Variants in NXN observed in about 807,000 individuals in gnomAD.
The protein encoded by NXN is nucleoredoxin.
Under a neutral mutation model 48.6 loss-of-function variants are expected in NXN, and 16 were observed. That is an observed-to-expected ratio of 0.33 (90% CI 0.22 to 0.50). The LOEUF is 0.50. Ranked by LOEUF, NXN falls within the 20% of genes least tolerant of loss-of-function variation. The pLI, the probability that NXN is intolerant of heterozygous loss-of-function variation, is 0.98. For missense variants in NXN, 492 were observed against 605.5 expected (o/e 0.81, Z 1.97); for synonymous variants, 281 against 269.6 (o/e 1.04, Z -0.41).
intron 1 of NXN, among the ~76,000 whole-genome samples, chr17:908,419 C>T (rs1477361343): frequency 6.6e-6 from 1 of 151,942 alleles, no homozygotes; most frequent in Non-Finnish European, 1.5e-5. Flanking sequence ...GCCTGTAATC[C>T]CAGCTACTTG....
chr17:896,916 A>G, intron 1 of NXN: 1 of 1,246,266 alleles, frequency 8.0e-7, no homozygotes, highest in Non-Finnish European at 1.0e-6. Context: ...TATCACACAC[A>G]ATATTCTTCT....
chr17:886,709 T>C (rs1390570), intron 1 of NXN, among the ~76,000 whole-genome samples: 89,692 of 150,760 alleles, frequency 0.59, 28,842 homozygotes, highest in African/African-American at 0.84. Flanking sequence ...ACTCGGGAGG[T>C]GGAGCTTGCA....
chr17:926,937 A>G (rs1031856526), intron 1 of NXN, among the ~76,000 whole-genome samples: 2 of 152,200 alleles, frequency 1.3e-5, no homozygotes, highest in African/African-American at 4.8e-5. Flanking sequence ...AATGCAGCCA[A>G]GAAAACTGTT....
chr17:803,629 G>A, intron 7 of NXN, 53 bp downstream of exon 7: 2 of 1,611,820 alleles, frequency 1.2e-6, no homozygotes, highest in South Asian at 1.1e-5. Flanking sequence ...TCAGTCCTGT[G>A]CCAGAAGTCC....
chr17:975,873 C>G lies in NXN; in HGVS notation c.360+3446G>C, dbSNP rs115653352. Among the ~76,000 whole-genome samples the G allele has an allele frequency of 9.1e-3, 1,388 of 152,332 alleles. 25 individuals carry two copies. The highest frequency in any genetic ancestry group is 0.032 in the African/African-American group (1,335 of 41,562). On this transcript the variant is annotated intron_variant, in intron 1 of 7. Coordinates refer to ENST00000336868, the MANE Select transcript of NXN (RefSeq NM_022463.5). The stretch of plus-strand genomic sequence containing the variant: ...AATCCCCAAAGTCCAAATTTCACCA[C>G]CTCCTGACTATCGATCACATTCCTT...
At chr17:812,798 G>A (rs1170702112) in intron 5 of NXN, among the ~76,000 whole-genome samples, 7 of 151,460 alleles carry the variant, frequency 4.6e-5, no homozygotes, top group Non-Finnish European at 1.0e-4. Context: ...GTAGGTGTGT[G>A]TGCGTGAGTG....
chr17:835,077 G>C (rs753550556), intron 1 of NXN, among the ~76,000 whole-genome samples: 19 of 151,562 alleles, frequency 1.3e-4, no homozygotes, highest in Non-Finnish European at 2.1e-4. Flanking sequence ...GGGAGGCCGA[G>C]GCGGGCGGAT....
rs184916940 is a variant in NXN, at chr17:806,234, C to G, written c.821-987G>C. Among the ~76,000 whole-genome samples the G allele has an allele frequency of 5.8e-4, 45 of 78,116 alleles. 2 individuals are homozygous for G. Among genetic ancestry groups the G allele is most frequent in the African/African-American group, 2.7e-3 (37 of 13,620 alleles). 51.2% of individuals were successfully genotyped at this position (78,116 alleles called of 152,430 possible). The stretch of plus-strand genomic sequence containing the variant: ...CGCCGTCTGCACCCCAGCACAACCC[C>G]CTCCCCAGGGCTGCAGCCCCCGCCG... On this transcript the variant is annotated intron_variant, in intron 5 of 7. Transcript: ENST00000336868.
At chr17:818,076 T>C (rs562105114) in intron 5 of NXN, among the ~76,000 whole-genome samples, 1 of 151,948 alleles carries the variant, frequency 6.6e-6, no homozygotes, top group South Asian at 2.1e-4. Flanking sequence ...CTGGGCAACA[T>C]GGCAAAACTT....
intron 5 of NXN, among the ~76,000 whole-genome samples, chr17:816,675 A>G (rs543154559): frequency 9.8e-5 from 15 of 152,298 alleles, no homozygotes; most frequent in African/African-American, 3.6e-4. Context: ...CGCTCTGCAA[A>G]GGGCAGGACC....
chr17:960,202 ACTTCAAT>A (rs1369942556), intron 1 of NXN, among the ~76,000 whole-genome samples: 1 of 152,214 alleles, frequency 6.6e-6, no homozygotes, highest in Non-Finnish European at 1.5e-5. Context: ...GGGGGTATTT[ACTTCAAT>A]CTTCCTTTTT....
intron 5 of NXN, among the ~76,000 whole-genome samples, chr17:811,752 T>C (rs1331628194): frequency 6.6e-6 from 1 of 151,958 alleles, no homozygotes; most frequent in Admixed American, 6.6e-5. Flanking sequence ...CCCTGTGAGA[T>C]GGACAGCTCA....
chr17:955,022 C>G (rs956807434), intron 1 of NXN, among the ~76,000 whole-genome samples: 42 of 150,476 alleles, frequency 2.8e-4, no homozygotes, highest in African/African-American at 8.5e-4. Context: ...CCCAGCCCTT[C>G]CACAGGAAAA....
intron 1 of NXN, among the ~76,000 whole-genome samples, chr17:964,901 G>A (rs1199630221): frequency 1.3e-5 from 2 of 152,224 alleles, no homozygotes; most frequent in Admixed American, 6.5e-5. Context: ...CATCCTGTGT[G>A]TGACGGAGAG....
intron 1 of NXN, among the ~76,000 whole-genome samples, chr17:892,661 T>C (rs2068436079): frequency 6.6e-6 from 1 of 152,202 alleles, no homozygotes; most frequent in South Asian, 2.1e-4. Context: ...GGGGGGGTGC[T>C]GTTCCGCACA....
At chr17:814,764 G>A (rs954014102) in intron 5 of NXN, among the ~76,000 whole-genome samples, 12 of 151,174 alleles carry the variant, frequency 7.9e-5, no homozygotes, top group African/African-American at 2.7e-4. Context: ...AGTGGCTCAC[G>A]CCTGTAATCC....
intron 1 of NXN, among the ~76,000 whole-genome samples, chr17:967,328 G>A (rs1024457048): frequency 1.3e-5 from 2 of 152,324 alleles, no homozygotes; most frequent in Admixed American, 1.3e-4. Context: ...CAGGCCACTA[G>A]GAGATGAGGA....
At chr17:824,998 G>C (rs1216108899) in intron 2 of NXN, among the ~76,000 whole-genome samples, 2 of 152,186 alleles carry the variant, frequency 1.3e-5, no homozygotes, top group African/African-American at 2.4e-5. Context: ...GGGAGGCCGA[G>C]GTGGGCGGAT....
Position 836,822 on chromosome 17 carries a change from C to G in NXN, c.361-10744G>C, listed in dbSNP as rs1913849339. ...GTTGCTTTAAGCTAAGGCGCTGACA[C>G]AGACAATGGGTCTCATTCTGTGGCC... is the stretch of plus-strand genomic sequence containing the variant. On this transcript the variant is annotated intron_variant, in intron 1 of 7. Coordinates refer to ENST00000336868, the MANE Select transcript of NXN (RefSeq NM_022463.5). 2.0e-5 allele frequency among the ~76,000 whole-genome samples: 3 copies of G among 152,190 alleles called. No homozygotes were observed. In the South Asian group the frequency reaches 6.2e-4, roughly 32 times the overall value.
Sources: gnomAD v4.1 joint callset for allele counts (sites outside exome capture counted in the v4.1 genomes callset) on GRCh38, gnomAD v4.1.1 for gene constraint, MANE v1.5 for transcripts, NCBI Gene and HGNC (gene_info 2026-07-23, HGNC 2026-07-21) for gene names.